The following CLEC16A variants were observed in gnomAD, a reference collection of about 807,000 sequenced individuals.
CLEC16A encodes C-type lectin domain containing 16A.
In CLEC16A, 51 loss-of-function variants were observed where a neutral mutation model predicts 109.5. The ratio of observed to expected loss-of-function variants is 0.47; its 90% CI spans 0.37 to 0.59. The LOEUF is 0.59. Among genes scored for constraint, CLEC16A ranks in the 20% least tolerant of loss-of-function variants. The probability of loss-of-function intolerance (pLI) is 0.00; values close to 1 mark genes in which losing one functional copy is unlikely to be tolerated. For synonymous variants in CLEC16A, 673 were observed against 564.2 expected (o/e 1.19, Z -2.73); for missense variants, 1,339 against 1,394.0 (o/e 0.96, Z 0.63).
chr16:10,982,149 G>C (rs1312587852), intron 9 of CLEC16A, among the ~76,000 whole-genome samples: 2 of 152,244 alleles, frequency 1.3e-5, no homozygotes, highest in Non-Finnish European at 2.9e-5. Flanking sequence ...TAGCAGGCAT[G>C]TCTAGGCCAG....
intron 19 of CLEC16A, among the ~76,000 whole-genome samples, chr16:11,082,890 C>T (rs757215577): frequency 6.6e-5 from 10 of 152,214 alleles, no homozygotes; most frequent in Non-Finnish European, 1.3e-4. Context: ...TGTGCATCAA[C>T]AGCTTCTCCA....
At chr16:11,042,165 C>A in intron 14 of CLEC16A, 89 bp from the exon 15 acceptor site, 2 of 949,624 alleles carry the variant, frequency 2.1e-6, no homozygotes, top group Non-Finnish European at 3.2e-6. Context: ...ATCATGTGAC[C>A]TGCTAGCCTC....
intron 10 of CLEC16A, among the ~76,000 whole-genome samples, chr16:10,997,320 T>C (rs1316595482): frequency 2.0e-5 from 3 of 152,212 alleles, no homozygotes; most frequent in Non-Finnish European, 4.4e-5. Context: ...AAAAGTTTAG[T>C]AATCTTAGAT....
At chr16:11,017,645 C>T (rs1281536244) in intron 11 of CLEC16A, among the ~76,000 whole-genome samples, 1 of 152,130 alleles carries the variant, frequency 6.6e-6, no homozygotes, top group Non-Finnish European at 1.5e-5. Flanking sequence ...TGGAGATTAA[C>T]ATCAACAGTT....
chr16:10,971,876 C>T (rs76757788), intron 5 of CLEC16A, among the ~76,000 whole-genome samples: 1,684 of 152,302 alleles, frequency 0.011, 25 homozygotes, highest in African/African-American at 0.038. Flanking sequence ...TTATTTTCCC[C>T]GGAGTCACCA....
At chr16:10,981,809 T>G (rs917812995) in intron 9 of CLEC16A, among the ~76,000 whole-genome samples, 100 of 152,228 alleles carry the variant, frequency 6.6e-4, no homozygotes, top group African/African-American at 2.4e-3. Context: ...GAGACATCTG[T>G]CAGGGGTTCT....
intron 11 of CLEC16A, among the ~76,000 whole-genome samples, chr16:11,012,594 CAAAAAAAAAAAAA>C (rs551902895): frequency 1.5e-5 from 1 of 67,944 alleles, no homozygotes; most frequent in South Asian, 6.4e-4. Flanking sequence ...GACTCCGTCT[CAAAAAAAAAAAAA>C]AAAAAAAAAA....
intron 13 of CLEC16A, among the ~76,000 whole-genome samples, chr16:11,037,500 C>G (rs930596569): frequency 6.6e-6 from 1 of 152,218 alleles, no homozygotes; most frequent in African/African-American, 2.4e-5. Context: ...GGACGCTTTT[C>G]TTCCTGTCAA....
At position 11,153,630 on chromosome 16, in the gene CLEC16A, C is replaced by A. The variant is rs894846067; in HGVS notation, c.2642-12758C>A. On this transcript the variant is annotated intron_variant, in intron 22 of 23. Transcript: ENST00000409790. ...AATTCTGTGAATCAATTCCTCCTTTCTTCTTGACGCACATTATAGAAAAGG... is the reference window on the plus strand; with the variant it reads ...AATTCTGTGAATCAATTCCTCCTTTATTCTTGACGCACATTATAGAAAAGG... Among the ~76,000 whole-genome samples the A allele has an allele frequency of 3.3e-5, 5 of 151,278 alleles. No individual in the cohort carries two copies. The Admixed American group carries it at 3.3e-4, about 10-fold the overall frequency.
chr16:11,090,662 T>C (rs190790913), intron 19 of CLEC16A, among the ~76,000 whole-genome samples: 2 of 152,284 alleles, frequency 1.3e-5, no homozygotes, highest in African/African-American at 4.8e-5. Flanking sequence ...AGTTAGTTTT[T>C]GAGAGAGAGT....
chr16:10,953,480 A>T (rs1567494191), intron 1 of CLEC16A, among the ~76,000 whole-genome samples: 1 of 152,242 alleles, frequency 6.6e-6, no homozygotes, highest in Non-Finnish European at 1.5e-5. Flanking sequence ...CTTAAGCTTG[A>T]TACAAGAAAC....
In CLEC16A at chr16:10,962,486, T is replaced by C; in HGVS notation, c.241T>C (p.Phe81Leu). Reference protein sequence around the residue: ...FFLEKNMFVFFLNILRQKSGR... With the variant: ...FFLEKNMFVFLLNILRQKSGR... ...CCTGGAGAAGAATATGTTTGTTTTC[T>C]TCTTGAACATCTTGCGGCAAAAGTC... The change falls in exon 3 of 24, where the codon TTC becomes CTC. Residue 81 changes from phenylalanine to leucine, a missense_variant. Phe to Leu is a conservative substitution (Grantham distance 22). This residue lies in a region of CLEC16A where 117 missense variants were observed against 120.2 expected (regional missense o/e 0.97). Transcript: ENST00000409790. 6.2e-7 allele frequency: 1 copy of C among 1,614,038 alleles called. No homozygotes were observed. Among genetic ancestry groups the C allele is most frequent in the Non-Finnish European group, 8.5e-7 (1 of 1,179,902 alleles).
At chr16:11,094,903 A>G (rs776598541) in intron 19 of CLEC16A, among the ~76,000 whole-genome samples, 1 of 152,210 alleles carries the variant, frequency 6.6e-6, no homozygotes, top group Non-Finnish European at 1.5e-5. Context: ...ACATAATGGA[A>G]AAAGTTTCCT....
chr16:11,036,584 C>T (rs2047036232), intron 13 of CLEC16A, among the ~76,000 whole-genome samples: 1 of 142,950 alleles, frequency 7.0e-6, no homozygotes, highest in Non-Finnish European at 1.5e-5. Flanking sequence ...GAGTCTCGCT[C>T]TGTCACCCAG....
chr16:11,124,010 T>C (rs1356200282), intron 21 of CLEC16A, 64 bp downstream of exon 21: 2 of 1,447,968 alleles, frequency 1.4e-6, no homozygotes, highest in African/African-American at 2.8e-5. Context: ...TGTTTGTAGT[T>C]CTCACACTGA....
intron 19 of CLEC16A, among the ~76,000 whole-genome samples, chr16:11,104,875 C>T (rs1293942666): frequency 6.6e-6 from 1 of 152,180 alleles, no homozygotes; most frequent in Non-Finnish European, 1.5e-5. Flanking sequence ...CTGACCACAT[C>T]CTGTGGAAGG....
chr16:11,124,087 G>A (rs756920868), intron 21 of CLEC16A, 141 bp downstream of exon 21: 109 of 817,498 alleles, frequency 1.3e-4, no homozygotes, highest in East Asian at 9.6e-4. Context: ...ATACGAATAC[G>A]AGGAAGTTCC....
chr16:10,966,244 T>C (rs957767154), intron 3 of CLEC16A, among the ~76,000 whole-genome samples: 1 of 152,172 alleles, frequency 6.6e-6, no homozygotes, highest in African/African-American at 2.4e-5. Flanking sequence ...ACTACTACCA[T>C]TGCATACACA....
intron 22 of CLEC16A, among the ~76,000 whole-genome samples, chr16:11,148,132 G>T (rs767500704): frequency 6.6e-6 from 1 of 152,184 alleles, no homozygotes; most frequent in African/African-American, 2.4e-5. Flanking sequence ...GAAAGAATTA[G>T]AATCACTGCT....
Sources: gnomAD v4.1 joint callset for allele counts (sites outside exome capture counted in the v4.1 genomes callset) on GRCh38, gnomAD v4.1.1 for gene constraint, gnomAD v4.1.1 regional missense constraint, MANE v1.5 for transcripts, NCBI Gene and HGNC (gene_info 2026-07-23, HGNC 2026-07-21) for gene names.